The following PCDH9 variants were observed in gnomAD, a reference collection of about 807,000 sequenced individuals.
PCDH9 encodes the protein protocadherin-9.
In PCDH9, 24 loss-of-function variants were observed where a neutral mutation model predicts 70.6. The ratio of observed to expected loss-of-function variants is 0.34; its 90% confidence interval spans 0.25 to 0.48. The LOEUF is 0.48. Ranked by LOEUF, PCDH9 falls within the 20% of genes least tolerant of loss-of-function variation. The pLI, the probability that PCDH9 is intolerant of heterozygous loss-of-function variation, is 0.99. For missense variants in PCDH9, 1,281 were observed against 1,503.6 expected, an observed-to-expected ratio of 0.85 and a Z score of 2.45; for synonymous variants, 562 against 558.5, an observed-to-expected ratio of 1.01 and a Z score of -0.09.
At chr13:67,022,561 A>G (rs2084699478) in intron 2 of PCDH9, among the ~76,000 whole-genome samples, 1 of 152,242 alleles carries the variant, frequency 6.6e-6, no homozygotes, top group Non-Finnish European at 1.5e-5. Context: ...GGAACTATTC[A>G]ATACTTTCAC....
At chr13:66,888,861 C>G (rs2082050498) in intron 3 of PCDH9, among the ~76,000 whole-genome samples, 2 of 152,138 alleles carry the variant, frequency 1.3e-5, no homozygotes. Context: ...GCAGTCAGGG[C>G]TCCTCTTTAC....
chr13:67,159,004 T>C (rs919522466), intron 2 of PCDH9, among the ~76,000 whole-genome samples: 1 of 152,136 alleles, frequency 6.6e-6, no homozygotes, highest in Non-Finnish European at 1.5e-5. Flanking sequence ...CACAGACAAT[T>C]AGCCAGACAC....
chr13:66,722,246 T>A (rs1044549900), intron 3 of PCDH9, among the ~76,000 whole-genome samples: 2 of 152,164 alleles, frequency 1.3e-5, no homozygotes, highest in African/African-American at 4.8e-5. Flanking sequence ...GTATACCAAA[T>A]TAGAATGTCC....
intron 3 of PCDH9, among the ~76,000 whole-genome samples, chr13:66,810,510 T>G (rs781418619): frequency 6.6e-6 from 1 of 152,036 alleles, no homozygotes; most frequent in Non-Finnish European, 1.5e-5. Flanking sequence ...GGGAATATAA[T>G]AAATGTAAAG....
chr13:66,353,881 TG>T (rs1457587574), intron 4 of PCDH9, among the ~76,000 whole-genome samples: 1 of 152,136 alleles, frequency 6.6e-6, no homozygotes, highest in East Asian at 1.9e-4. Context: ...ATCGCATGCT[TG>T]GAAAAATTCC....
At chr13:66,776,727 G>T (rs2139287314) in intron 3 of PCDH9, among the ~76,000 whole-genome samples, 1 of 151,824 alleles carries the variant, frequency 6.6e-6, no homozygotes, top group South Asian at 2.1e-4. Flanking sequence ...CAGATTCAAT[G>T]CCATCCCCAT....
chr13:67,219,327 G>A (rs2089674777), intron 2 of PCDH9: 2 of 151,906 alleles, frequency 1.3e-5, no homozygotes, highest in African/African-American at 4.8e-5. Flanking sequence ...CAGCCCAATA[G>A]GTTTGTATCA....
intron 4 of PCDH9, among the ~76,000 whole-genome samples, chr13:66,387,048 A>G (rs75062620): frequency 2.3e-3 from 343 of 152,226 alleles, no homozygotes; most frequent in African/African-American, 8.0e-3. Context: ...ATAACCATTT[A>G]CTCTTCTACA....
intron 4 of PCDH9, among the ~76,000 whole-genome samples, chr13:66,397,701 A>G (rs567721787): frequency 5.8e-4 from 88 of 151,732 alleles, no homozygotes; most frequent in African/African-American, 2.1e-3. Context: ...AAACTGTTCC[A>G]TATGTTCCAT....
At chr13:66,957,735 C>G (rs1373261522) in intron 2 of PCDH9, among the ~76,000 whole-genome samples, 1 of 151,972 alleles carries the variant, frequency 6.6e-6, no homozygotes, top group African/African-American at 2.4e-5. Flanking sequence ...TGGAGACACA[C>G]TAAGAAGGCA....
chr13:66,386,840 T>A (rs752422497), intron 4 of PCDH9, among the ~76,000 whole-genome samples: 1 of 152,188 alleles, frequency 6.6e-6, no homozygotes, highest in Non-Finnish European at 1.5e-5. Context: ...TATTACATTT[T>A]TACTTAAAGT....
At chr13:66,452,623 T>C (rs1440479161) in intron 4 of PCDH9, among the ~76,000 whole-genome samples, 2 of 152,272 alleles carry the variant, frequency 1.3e-5, no homozygotes, top group East Asian at 3.9e-4. Flanking sequence ...CTTCTCAATC[T>C]GCTCAGATTA....
intron 3 of PCDH9, among the ~76,000 whole-genome samples, chr13:66,717,524 C>T (rs1226547910): frequency 7.8e-6 from 1 of 128,430 alleles, no homozygotes; most frequent in Non-Finnish European, 1.6e-5. Context: ...TATGTATAGG[C>T]TACAAACCTT....
At chr13:66,970,370 G>T (rs2083498879) in intron 2 of PCDH9, among the ~76,000 whole-genome samples, 1 of 151,686 alleles carries the variant, frequency 6.6e-6, no homozygotes, top group East Asian at 1.9e-4. Flanking sequence ...GACTCAGGCT[G>T]GTAATCTCAG....
intron 3 of PCDH9, among the ~76,000 whole-genome samples, chr13:66,841,227 C>T (rs1055480778): frequency 1.3e-5 from 2 of 152,156 alleles, no homozygotes; most frequent in East Asian, 1.9e-4. Context: ...CAACAGCCTA[C>T]AGCCACCTAA....
chr13:67,006,228 A>G (rs1468708027), intron 2 of PCDH9, among the ~76,000 whole-genome samples: 2 of 125,068 alleles, frequency 1.6e-5, no homozygotes, highest in African/African-American at 5.8e-5. Context: ...CTCCGTCTCA[A>G]AACAAACAAA....
intron 3 of PCDH9, among the ~76,000 whole-genome samples, chr13:66,821,062 T>A (rs921111151): frequency 9.8e-5 from 15 of 152,298 alleles, no homozygotes; most frequent in Middle Eastern, 3.4e-3. Flanking sequence ...AATACCAAGT[T>A]CTGATTATAG....
intron 2 of PCDH9, among the ~76,000 whole-genome samples, chr13:67,016,087 C>A (rs1258881287): frequency 3.9e-5 from 6 of 152,028 alleles, no homozygotes; most frequent in African/African-American, 1.4e-4. Context: ...CCAAAACATG[C>A]TTTAGTGTAC....
chr13:66,615,065 A>G (rs2077339302), intron 4 of PCDH9, among the ~76,000 whole-genome samples: 1 of 152,250 alleles, frequency 6.6e-6, no homozygotes, highest in Non-Finnish European at 1.5e-5. Flanking sequence ...TTGGACCAGT[A>G]TAAGCATGCC....
Sources: allele counts gnomAD v4.1 joint callset (sites outside exome capture counted in the v4.1 genomes callset), GRCh38; gene constraint gnomAD v4.1.1; transcripts MANE v1.5; gene names NCBI Gene and HGNC (gene_info 2026-07-23, HGNC 2026-07-21).